AACS: variants seen among roughly 807,000 people sequenced by gnomAD.
AACS encodes acetoacetyl-CoA synthetase.
Under a neutral mutation model 83.1 loss-of-function variants are expected in AACS, and 69 were observed. The observed-to-expected ratio is 0.83, with a 90% CI of 0.68 to 1.01. The LOEUF (loss-of-function observed/expected upper bound fraction) is 1.01. Among genes scored for constraint, AACS ranks in the 50% least tolerant of loss-of-function variants. The pLI is 0.00. For missense variants in AACS, 866 were observed against 882.2 expected (o/e 0.98, Z 0.23); for synonymous variants, 333 against 343.4 (o/e 0.97, Z 0.33).
chr12:125,098,363 TA>T (rs1956656903), intron 5 of AACS, among the ~76,000 whole-genome samples: 1 of 151,694 alleles, frequency 6.6e-6, no homozygotes, highest in South Asian at 2.1e-4. Context: ...TACTGTACTC[TA>T]GCCTGGGTGA....
At position 125,134,018 on chromosome 12, in the gene AACS, G is replaced by GC; in HGVS notation, c.1566dup (p.Asp523ArgfsTer19). ...GTCTTTGCAGGTATCTGGGCTCATGGCGACTACTGCAGAATCAACCCCAAG... is the reference window on the plus strand; with the variant it reads ...GTCTTTGCAGGTATCTGGGCTCATGGCCGACTACTGCAGAATCAACCCCAAG... On this transcript the variant is annotated frameshift_variant, in exon 15 of 18. Coordinates refer to ENST00000316519, the MANE Select transcript of AACS (RefSeq NM_023928.5). LOFTEE classifies it high-confidence loss of function. 1 of 1,614,152 alleles carries GC rather than the reference G, an allele frequency of 6.2e-7. No individual in the cohort carries two copies. Among genetic ancestry groups the GC allele is most frequent in the Non-Finnish European group, 8.5e-7 (1 of 1,180,030 alleles).
Position 125,142,114 on chromosome 12 carries a change from T to G in AACS, c.1904T>G (p.Val635Gly), listed in dbSNP as rs769258205. ...GIPYTLNGKK[V>G]EVAVKQIIAG... is the part of the protein sequence containing the mutation. Reference sequence around the variant, plus strand: ...CAGTATACGCTCAACGGCAAGAAAGTGGAAGTTGCCGTCAAACAGATCATC... The same window carrying G: ...CAGTATACGCTCAACGGCAAGAAAGGGGAAGTTGCCGTCAAACAGATCATC... Residue 635 changes from valine (V) to glycine (G), a missense_variant, in exon 18 of 18, where the codon GTG (valine) becomes GGG (glycine). Coordinates refer to ENST00000316519, the MANE Select transcript of AACS (RefSeq NM_023928.5). 1 of 1,613,908 alleles carries G rather than the reference T, an allele frequency of 6.2e-7. No homozygotes were observed. Among genetic ancestry groups the G allele is most frequent in the Admixed American group, 1.7e-5 (1 of 59,984 alleles).
intron 8 of AACS, among the ~76,000 whole-genome samples, chr12:125,110,855 C>T (rs1278106538): frequency 6.6e-6 from 1 of 152,198 alleles, no homozygotes; most frequent in East Asian, 1.9e-4. Context: ...ACATTGGAAT[C>T]ATTTGAAAGC....
intron 14 of AACS, among the ~76,000 whole-genome samples, chr12:125,133,433 G>T (rs893348665): frequency 3.9e-5 from 6 of 152,184 alleles, no homozygotes; most frequent in African/African-American, 1.4e-4. Context: ...TGTCATCCCT[G>T]GCTCTTTCCT....
At chr12:125,108,318 C>T (rs1956877778) in intron 8 of AACS, among the ~76,000 whole-genome samples, 1 of 152,192 alleles carries the variant, frequency 6.6e-6, no homozygotes, top group African/African-American at 2.4e-5. Context: ...TGGACGGCCG[C>T]CTTCTTGCTC....
intron 17 of AACS, 102 bp downstream of exon 17, chr12:125,136,966 T>A: frequency 1.6e-6 from 2 of 1,254,662 alleles, no homozygotes; most frequent in Non-Finnish European, 2.2e-6. Flanking sequence ...GCTTTATATA[T>A]CGTTTGTCCA....
At chr12:125,114,410 C>A in intron 8 of AACS, 67 bp from the exon 9 acceptor site, 1 of 1,351,376 alleles carries the variant, frequency 7.4e-7, no homozygotes, top group Non-Finnish European at 1.0e-6. Flanking sequence ...GCGCGTGGGC[C>A]AGGTACCAGA....
intron 15 of AACS, 127 bp downstream of exon 15, chr12:125,134,199 C>T (rs1593010026): frequency 1.0e-6 from 1 of 979,628 alleles, no homozygotes; most frequent in East Asian, 2.6e-5. Flanking sequence ...CACTCCAGCA[C>T]CAGGGTGTCC....
At chr12:125,118,396 G>C (rs1310606954) in intron 9 of AACS, 1 of 496,962 alleles carries the variant, frequency 2.0e-6, no homozygotes, top group East Asian at 4.0e-5. Flanking sequence ...CTTTGTCTCT[G>C]TCACCAGCAA....
intron 8 of AACS, among the ~76,000 whole-genome samples, chr12:125,110,467 A>G (rs139596120): frequency 3.9e-4 from 59 of 151,958 alleles, no homozygotes; most frequent in Non-Finnish European, 2.2e-4. Flanking sequence ...CTTACCTTGC[A>G]CTCAGACTTC....
chr12:125,076,346 A>G, intron 2 of AACS, 145 bp from the exon 3 acceptor site: 1 of 1,141,526 alleles, frequency 8.8e-7, no homozygotes, highest in Admixed American at 2.3e-5. Context: ...CCATAAAATG[A>G]TTTAAAAATG....
At chr12:125,065,928 C>T (rs1243289335) in intron 1 of AACS, among the ~76,000 whole-genome samples, 1 of 152,210 alleles carries the variant, frequency 6.6e-6, no homozygotes, top group African/African-American at 2.4e-5. Flanking sequence ...TGCAGCGTCT[C>T]CTCTGCATGT....
chr12:125,088,181 T>C (rs1276272974), intron 4 of AACS, among the ~76,000 whole-genome samples: 2 of 152,048 alleles, frequency 1.3e-5, no homozygotes, highest in African/African-American at 2.4e-5. Flanking sequence ...GAAGTGTTTA[T>C]TGAATGAATG....
chr12:125,072,267 C>G (rs897203508), intron 1 of AACS, among the ~76,000 whole-genome samples: 2 of 152,020 alleles, frequency 1.3e-5, no homozygotes, highest in South Asian at 4.2e-4. Context: ...AAGCGATCCT[C>G]TCAGCTGTCC....
chr12:125,088,334 G>A (rs1236885474), intron 4 of AACS, among the ~76,000 whole-genome samples: 1 of 151,626 alleles, frequency 6.6e-6, no homozygotes, highest in Non-Finnish European at 1.5e-5. Context: ...CTGGGCTCAA[G>A]GGATCCTCCT....
intron 9 of AACS, chr12:125,117,608 T>C (rs1957077750): frequency 6.6e-6 from 1 of 152,222 alleles, no homozygotes; most frequent in African/African-American, 2.4e-5. Context: ...GTTATGCTGC[T>C]TGGGGCTTCC....
rs1956026943 is a variant in AACS at position 125,076,540 on chromosome 12, G to A, written c.287G>A (p.Gly96Asp). Residue 96 changes from glycine (G) to aspartate (D), a missense_variant, in exon 3 of 18, where the codon GGC (glycine) becomes GAC (aspartate). Gly to Asp is a moderately conservative substitution (Grantham distance 94). Transcript: ENST00000316519. Reference protein sequence around the residue: ...GIADVPEWFKGSRLNYAENLL... With the variant: ...GIADVPEWFKDSRLNYAENLL... ...GCAGATGTCCCCGAGTGGTTCAAAG[G>A]CAGTCGGCTCAACTATGCAGAAAAC... 1.2e-6 allele frequency: 2 copies of A among 1,613,984 alleles called. No individual in the cohort carries two copies. The highest frequency in any genetic ancestry group is 1.3e-5 in the African/African-American group (1 of 74,898).
chr12:125,081,454 TC>T (rs1956183080), intron 3 of AACS, among the ~76,000 whole-genome samples: 10 of 152,338 alleles, frequency 6.6e-5, no homozygotes, highest in Admixed American at 5.9e-4. Flanking sequence ...TCATTGTGCT[TC>T]GTTTTCTGCA....
At chr12:125,091,701 T>C (rs1956490383) in intron 5 of AACS, among the ~76,000 whole-genome samples, 178 bp downstream of exon 5, 1 of 152,218 alleles carries the variant, frequency 6.6e-6, no homozygotes, top group South Asian at 2.1e-4. Flanking sequence ...TGGTTCTTCC[T>C]TTCAAGCAGT....
Sources: gnomAD v4.1 joint callset for allele counts (sites outside exome capture counted in the v4.1 genomes callset) on GRCh38, gnomAD v4.1.1 for gene constraint, MANE v1.5 for transcripts, NCBI Gene and HGNC (gene_info 2026-07-23, HGNC 2026-07-21) for gene names.